Variants in LTBP1 observed in about 807,000 individuals in gnomAD.
The protein encoded by LTBP1 is latent-transforming growth factor beta-binding protein 1.
In LTBP1, 129 loss-of-function variants were observed where a neutral mutation model predicts 207.6. That is an observed-to-expected ratio of 0.62 (90% CI 0.54 to 0.72). The LOEUF is 0.72. LTBP1 is among the 30% of genes least tolerant of loss of function. LTBP1 has a pLI of 0.00. For synonymous variants in LTBP1, 963 were observed against 833.7 expected (o/e 1.16, Z -2.67); for missense variants, 2,281 against 2,217.2 (o/e 1.03, Z -0.58).
intron 2 of LTBP1, among the ~76,000 whole-genome samples, chr2:32,981,414 C>T (rs1215548861): frequency 2.0e-5 from 3 of 152,050 alleles, no homozygotes; most frequent in Non-Finnish European, 4.4e-5. Context: ...TCTGTTTGTC[C>T]AATTTTGGGG....
At chr2:33,142,511 A>G (rs1362246697) in intron 5 of LTBP1, among the ~76,000 whole-genome samples, 1 of 151,884 alleles carries the variant, frequency 6.6e-6, no homozygotes, top group Non-Finnish European at 1.5e-5. Flanking sequence ...TGGGTAGACG[A>G]AGGGGTGCGT....
At chr2:33,274,260 GAA>G in intron 16 of LTBP1, among the ~76,000 whole-genome samples, 1 of 136,498 alleles carries the variant, frequency 7.3e-6, no homozygotes, top group African/African-American at 2.7e-5. Context: ...GCTCCTTTTG[GAA>G]AAAAAAAAAG....
At chr2:33,377,052 AAGC>A (rs2095149529) in intron 31 of LTBP1, among the ~76,000 whole-genome samples, 1 of 152,224 alleles carries the variant, frequency 6.6e-6, no homozygotes, top group East Asian at 1.9e-4. Context: ...TAGTCATTGA[AAGC>A]AGAAGAAAAG....
intron 2 of LTBP1, among the ~76,000 whole-genome samples, chr2:32,950,137 T>C (rs1676876064): frequency 1.3e-5 from 2 of 152,340 alleles, no homozygotes; most frequent in South Asian, 4.1e-4. Context: ...CCAAATGACA[T>C]GTCCCCTCTC....
At chr2:32,965,484 C>T (rs1679820585) in intron 2 of LTBP1, among the ~76,000 whole-genome samples, 1 of 152,182 alleles carries the variant, frequency 6.6e-6, no homozygotes. Flanking sequence ...CTACTCATCC[C>T]TCCTTCCTGT....
chr2:33,363,290 T>C (rs1359229978), intron 28 of LTBP1, 100 bp from the exon 29 acceptor site: 28 of 1,165,702 alleles, frequency 2.4e-5, no homozygotes, highest in Middle Eastern at 2.2e-4. Context: ...AATGTAAATA[T>C]TATAATATCT....
At chr2:33,345,604 T>C (rs1051679488) in intron 25 of LTBP1, among the ~76,000 whole-genome samples, 2 of 152,266 alleles carry the variant, frequency 1.3e-5, no homozygotes, top group Admixed American at 6.5e-5. Flanking sequence ...CTTTATGTTA[T>C]GGTATTTTTC....
chr2:33,363,363 T>G (rs748449519), intron 28 of LTBP1, 27 bp from the exon 29 acceptor site: 1 of 1,612,294 alleles, frequency 6.2e-7, no homozygotes, highest in South Asian at 1.1e-5. Context: ...AACTCCTTTT[T>G]GTATTTCTCA....
intron 24 of LTBP1, among the ~76,000 whole-genome samples, chr2:33,336,146 C>G (rs2094551457): frequency 6.6e-6 from 1 of 152,152 alleles, no homozygotes. Context: ...TATTTAAGGA[C>G]AAGAAGACTT....
chr2:33,367,668 G>A (rs1444912345), intron 31 of LTBP1, among the ~76,000 whole-genome samples: 3 of 152,160 alleles, frequency 2.0e-5, no homozygotes, highest in Non-Finnish European at 4.4e-5. Context: ...CCATGTTGCT[G>A]TAAAACACAC....
chr2:33,303,277 C>T (rs553946247), intron 22 of LTBP1, among the ~76,000 whole-genome samples: 155 of 152,126 alleles, frequency 1.0e-3, no homozygotes, highest in African/African-American at 3.5e-3. Context: ...GCCAGTTTTT[C>T]CCTGGATGGG....
chr2:33,203,559 G>A (rs865911471), intron 7 of LTBP1, among the ~76,000 whole-genome samples: 1 of 152,186 alleles, frequency 6.6e-6, no homozygotes, highest in Admixed American at 6.5e-5. Context: ...GGGTCCACCT[G>A]CCCGGACCTG....
intron 5 of LTBP1, among the ~76,000 whole-genome samples, chr2:33,149,236 A>AT (rs2083313332): frequency 8.6e-6 from 1 of 116,614 alleles, no homozygotes; most frequent in African/African-American, 3.2e-5. Context: ...AACAAAAAAA[A>AT]AAAAAAAAAA....
chr2:33,346,684 C>CA (rs112831759), intron 25 of LTBP1, among the ~76,000 whole-genome samples: 2,982 of 128,012 alleles, frequency 0.023, 52 homozygotes, highest in Middle Eastern at 0.081. Context: ...GACGCCGTCT[C>CA]AAAAAAAAAA....
intron 2 of LTBP1, among the ~76,000 whole-genome samples, chr2:33,015,180 T>G (rs1688202568): frequency 6.6e-6 from 1 of 152,238 alleles, no homozygotes; most frequent in Non-Finnish European, 1.5e-5. Flanking sequence ...ATCTGGTTTC[T>G]GAACCTGTTT....
At chr2:33,130,947 G>C (rs1310604401) in intron 4 of LTBP1, among the ~76,000 whole-genome samples, 1 of 152,168 alleles carries the variant, frequency 6.6e-6, no homozygotes, top group African/African-American at 2.4e-5. Context: ...TGGTTTCCCT[G>C]TTAACTCCTG....
chr2:32,949,064 C>A, intron 2 of LTBP1, 119 bp downstream of exon 2: 1 of 937,516 alleles, frequency 1.1e-6, no homozygotes, highest in East Asian at 2.4e-5. Context: ...GTCTGAAATA[C>A]AATCCACCCA....
intron 3 of LTBP1, among the ~76,000 whole-genome samples, chr2:33,023,721 A>G (rs545460135): frequency 6.6e-6 from 1 of 152,198 alleles, no homozygotes; most frequent in Non-Finnish European, 1.5e-5. Flanking sequence ...CCTGCTCTTA[A>G]GGAGATTTTG....
chr2:33,200,920 C>G (rs1468552928), intron 7 of LTBP1, among the ~76,000 whole-genome samples: 3 of 152,190 alleles, frequency 2.0e-5, no homozygotes, highest in Non-Finnish European at 2.9e-5. Flanking sequence ...ATCAAAACCA[C>G]AATGAGATAC....
Sources: gnomAD v4.1 joint callset for allele counts (sites outside exome capture counted in the v4.1 genomes callset) on GRCh38, gnomAD v4.1.1 for gene constraint, MANE v1.5 for transcripts, NCBI Gene and HGNC (gene_info 2026-07-23, HGNC 2026-07-21) for gene names.